Variants in ZMYM6 observed in about 807,000 individuals in gnomAD.
The protein encoded by ZMYM6 is zinc finger MYM-type containing 6, also known as zinc finger MYM-type protein 6.
ZMYM6 carries 90 observed loss-of-function variants against 134.0 expected under a neutral mutation model. The observed-to-expected ratio is 0.67, with a 90% confidence interval of 0.57 to 0.80. The LOEUF is 0.80. Among genes scored for constraint, ZMYM6 ranks in the 30% least tolerant of loss-of-function variants. ZMYM6 has a pLI of 0.00. For missense variants in ZMYM6, 1,362 were observed against 1,533.9 expected (o/e 0.89, Z 1.87); for synonymous variants, 481 against 524.1 (o/e 0.92, Z 1.12).
chr1:35,010,816 A>G lies in ZMYM6; in HGVS notation c.1283T>C (p.Leu428Pro). 1 of 1,603,280 alleles carries G rather than the reference A, an allele frequency of 6.2e-7. No homozygotes were observed. The highest frequency in any genetic ancestry group is 8.5e-7 in the Non-Finnish European group (1 of 1,176,604). Reference sequence around the variant, plus strand: ...TAGATGGTTACAGTGCTGACACTTGAGTTTAACAACTGTATGGGTTAAAGC... The same window carrying G: ...TAGATGGTTACAGTGCTGACACTTGGGTTTAACAACTGTATGGGTTAAAGC... Reference protein sequence around the residue: ...QVALTHTVVKLKCQHCNHLFA... With the variant: ...QVALTHTVVKPKCQHCNHLFA... Residue 428 changes from leucine (L) to proline (P), a missense_variant, in exon 9 of 16, where the codon CTC becomes CCC. Physicochemically the swap from Leu to Pro is moderately conservative, Grantham distance 98. Transcript: ENST00000357182.
rs1267564164 is a variant in ZMYM6, at chr1:35,010,537, CTTTA to C, written c.1398_1401del (p.Asn466LysfsTer15). On this transcript the variant is annotated frameshift_variant, in exon 10 of 16. Coordinates refer to ENST00000357182, the MANE Select transcript of ZMYM6 (RefSeq NM_007167.4). LOFTEE classifies it high-confidence loss of function. ...TTACAGTAGTCACACATTGCCACAACTTTATTTTTCTTCTTGTATTCATCAGAGC... is the reference window on the plus strand; with the variant it reads ...TTACAGTAGTCACACATTGCCACAACTTTTTCTTCTTGTATTCATCAGAGC... The C allele has an allele frequency of 1.2e-6, 2 of 1,614,026 alleles. No individual in the cohort carries two copies. The highest frequency in any genetic ancestry group is 1.7e-6 in the Non-Finnish European group (2 of 1,179,990).
intron 10 of ZMYM6, 141 bp from the exon 11 acceptor site, chr1:35,009,065 T>G (rs1641037502): frequency 1.2e-6 from 1 of 831,820 alleles, no homozygotes; most frequent in Admixed American, 3.3e-5. Flanking sequence ...CAGGACAGTC[T>G]CTATATTCAC....
At chr1:34,995,006 C>T (rs1248597179) in intron 14 of ZMYM6, among the ~76,000 whole-genome samples, 6 of 132,594 alleles carry the variant, frequency 4.5e-5, no homozygotes, top group East Asian at 2.1e-4. Flanking sequence ...TATATGTATA[C>T]ATATATACTT....
intron 14 of ZMYM6, among the ~76,000 whole-genome samples, chr1:34,994,430 T>C (rs1277461877): frequency 2.0e-5 from 3 of 152,098 alleles, no homozygotes; most frequent in African/African-American, 7.2e-5. Flanking sequence ...AGGCAGACTA[T>C]AGGTGCAAAA....
intron 6 of ZMYM6, chr1:35,013,078 A>AT (rs1641114864): frequency 2.2e-6 from 2 of 905,542 alleles, no homozygotes; most frequent in South Asian, 1.0e-4. Context: ...AAATCTGCTT[A>AT]TAAGTTTATT....
chr1:35,023,604 G>A (rs1008642512), intron 2 of ZMYM6, among the ~76,000 whole-genome samples: 3 of 151,572 alleles, frequency 2.0e-5, no homozygotes, highest in Admixed American at 6.6e-5. Context: ...ACCAAAATGA[G>A]TGTTTAAGAT....
intron 14 of ZMYM6, among the ~76,000 whole-genome samples, chr1:34,993,122 T>G (rs1449418708): frequency 6.7e-6 from 1 of 149,636 alleles, no homozygotes; most frequent in East Asian, 1.9e-4. Context: ...TTTCTTTTTT[T>G]TTTTTTTGAG....
Position 34,987,645 on chromosome 1 carries a change from A to C in ZMYM6, c.3437T>G (p.Val1146Gly). The change falls in exon 16 of 16, where the codon GTA becomes GGA. Residue 1146 changes from valine (V) to glycine (G), a missense_variant. Val to Gly is a moderately radical substitution (Grantham distance 109, BLOSUM62 -3). Transcript: ENST00000357182. ...CCACATTTTTAACTTTCTCTTAAATACATCAATTTTATTACACAAATTGAA... is the reference window on the plus strand; with the variant it reads ...CCACATTTTTAACTTTCTCTTAAATCCATCAATTTTATTACACAAATTGAA... Reference protein sequence around the residue: ...TFFNLCNKIDVFKRKLKMWLK... With the variant: ...TFFNLCNKIDGFKRKLKMWLK... 6.4e-7 allele frequency: 1 copy of C among 1,571,884 alleles called. No individual in the cohort carries two copies. Among genetic ancestry groups the C allele is most frequent in the Non-Finnish European group, 8.6e-7 (1 of 1,157,494 alleles).
chr1:34,989,184 C>G (rs1254921931), intron 15 of ZMYM6: 4 of 1,236,012 alleles, frequency 3.2e-6, no homozygotes, highest in Non-Finnish European at 4.1e-6. Context: ...ACAAGTAATC[C>G]CAAGCACCCA....
rs759091664 is a variant in ZMYM6, at chr1:35,010,891, C to A, written c.1208G>T (p.Gly403Val). 5.9e-5 allele frequency: 96 copies of A among 1,613,822 alleles called. No individual in the cohort carries two copies. The highest frequency in any genetic ancestry group is 8.0e-5 in the Non-Finnish European group (94 of 1,179,960). Reference sequence around the variant, plus strand: ...AGGTTGGAGGCTGGCTGCAGCAGAGCCACGGATGGAGCTGGGGGAAACGGC... The same window carrying A: ...AGGTTGGAGGCTGGCTGCAGCAGAGACACGGATGGAGCTGGGGGAAACGGC... ...TSAVSPSSIR[G>V]SAAASLQPLA... is the part of the protein sequence containing the mutation. The change falls in exon 9 of 16, where the codon GGC becomes GTC. Residue 403 changes from glycine (G) to valine (V), a missense_variant. Coordinates refer to ENST00000357182, the MANE Select transcript of ZMYM6 (RefSeq NM_007167.4).
intron 15 of ZMYM6, chr1:34,989,222 C>T: frequency 8.9e-7 from 1 of 1,121,228 alleles, no homozygotes; most frequent in South Asian, 2.8e-5. Flanking sequence ...GGGCTGAAGA[C>T]CATGATACAC....
chr1:35,000,357 A>C (rs1393934787), intron 14 of ZMYM6, among the ~76,000 whole-genome samples: 1 of 151,890 alleles, frequency 6.6e-6, no homozygotes, highest in Non-Finnish European at 1.5e-5. Context: ...CTCCCATCTC[A>C]GCCTCCCAAG....
At chr1:35,011,059 A>C (rs771319058) in intron 8 of ZMYM6, 23 bp from the exon 9 acceptor site, 2 of 1,598,734 alleles carry the variant, frequency 1.3e-6, no homozygotes, top group Non-Finnish European at 1.7e-6. Context: ...AAATAAGGTA[A>C]AGATTTTATC....
At chr1:35,020,571 T>C (rs1425300535) in intron 2 of ZMYM6, 104 bp from the exon 3 acceptor site, 1 of 480,826 alleles carries the variant, frequency 2.1e-6, no homozygotes, top group Non-Finnish European at 2.9e-6. Context: ...TCATCTCCTT[T>C]TTTTTTTTTT....
chr1:35,014,546 A>C (rs1641147412), intron 6 of ZMYM6, 151 bp downstream of exon 6: 2 of 769,176 alleles, frequency 2.6e-6, no homozygotes, highest in Non-Finnish European at 4.1e-6. Context: ...ATCATCCCTC[A>C]CACCATCAGA....
rs766921734 is a variant in ZMYM6, at chr1:34,992,256, T to C, written c.2124A>G (p.Thr708=). 3.2e-5 allele frequency: 52 copies of C among 1,613,922 alleles called. No individual in the cohort carries two copies. The highest frequency in any genetic ancestry group is 4.1e-5 in the Non-Finnish European group (48 of 1,179,956). Residue 708 remains threonine, a synonymous_variant, in exon 15 of 16, where the codon ACA becomes ACG. Coordinates refer to ENST00000357182, the MANE Select transcript of ZMYM6 (RefSeq NM_007167.4). The part of the protein sequence containing the change: ...QTKATSCKPH[T]QHKECQTDLP... ...TACCTGTCTGACATTCTTTGTGCTG[T>C]GTATGTGGTTTGCAAGAAGTGGCCT...
At chr1:35,012,074 G>A in intron 7 of ZMYM6, 69 bp from the exon 8 acceptor site, 2 of 953,700 alleles carry the variant, frequency 2.1e-6, no homozygotes, top group Middle Eastern at 2.4e-4. Flanking sequence ...AAATGTATTG[G>A]GAGAATGAAA....
chr1:35,004,699 G>T (rs773172317), intron 13 of ZMYM6, among the ~76,000 whole-genome samples: 1 of 152,104 alleles, frequency 6.6e-6, no homozygotes, highest in Non-Finnish European at 1.5e-5. Flanking sequence ...CCCCTGAGGC[G>T]GGGGTGGGGA....
intron 14 of ZMYM6, among the ~76,000 whole-genome samples, chr1:34,998,150 G>A (rs113770588): frequency 0.037 from 5,584 of 152,082 alleles, 329 homozygotes; most frequent in African/African-American, 0.13. Context: ...GTGGTGGCAC[G>A]CGCCTGTAAT....
Sources: gnomAD v4.1 joint callset for allele counts (sites outside exome capture counted in the v4.1 genomes callset) on GRCh38, gnomAD v4.1.1 for gene constraint, MANE v1.5 for transcripts, NCBI Gene and HGNC (gene_info 2026-07-23, HGNC 2026-07-21) for gene names.